Variants in DNAJC1 observed in about 807,000 individuals in gnomAD.
DNAJC1 encodes DnaJ heat shock protein family (Hsp40) member C1.
A neutral mutation model predicts 76.6 loss-of-function variants in DNAJC1; 58 were observed. The ratio of observed to expected loss-of-function variants is 0.76; its 90% confidence interval spans 0.61 to 0.94. DNAJC1 has a LOEUF of 0.94. DNAJC1 is among the 40% of genes least tolerant of loss of function. The pLI is 0.00. For synonymous variants in DNAJC1, 258 were observed against 267.9 expected (o/e 0.96, Z 0.36); for missense variants, 689 against 677.3 (o/e 1.02, Z -0.19).
At chr10:21,778,354 A>G (rs1226325975) in intron 9 of DNAJC1, among the ~76,000 whole-genome samples, 2 of 152,206 alleles carry the variant, frequency 1.3e-5, no homozygotes, top group African/African-American at 2.4e-5. Context: ...CCATAAAACA[A>G]AAGGATTGCA....
At chr10:21,912,771 A>G (rs1171870920) in intron 6 of DNAJC1, among the ~76,000 whole-genome samples, 2 of 151,878 alleles carry the variant, frequency 1.3e-5, no homozygotes, top group Non-Finnish European at 2.9e-5. Flanking sequence ...TTTCCTGCTA[A>G]TTAGCTGTGA....
chr10:21,858,415 C>G (rs1835872382), intron 8 of DNAJC1, among the ~76,000 whole-genome samples: 1 of 152,088 alleles, frequency 6.6e-6, no homozygotes, highest in Non-Finnish European at 1.5e-5. Flanking sequence ...ACCAGAATGC[C>G]ATTTACTTTA....
chr10:21,918,502 G>T (rs1836989831), intron 6 of DNAJC1, among the ~76,000 whole-genome samples: 1 of 148,042 alleles, frequency 6.8e-6, no homozygotes, highest in African/African-American at 2.5e-5. Context: ...AATTTTTATT[G>T]CTTTTATCTC....
Position 22,003,583 on chromosome 10 carries a change from G to C in DNAJC1, c.-149C>G, listed in dbSNP as rs905526496. The stretch of plus-strand genomic sequence containing the variant: ...GCGGCCCGCCAGGTGGCTGGCCCCA[G>C]ACAGAGCGCGGAGGCGGCGGGAGCC... On this transcript the variant is annotated 5_prime_UTR_variant, in exon 1 of 12. Transcript: ENST00000376980. The C allele has an allele frequency of 1.0e-4, 102 of 991,334 alleles. No individual in the cohort carries two copies. Among genetic ancestry groups the C allele is most frequent in the Admixed American group, 5.7e-4 (13 of 22,818 alleles). 61.4% of individuals were successfully genotyped at this position (991,334 alleles called of 1,614,324 possible). A position where few individuals can be genotyped will look rare whatever the true frequency, so the allele number is the denominator to read the frequency against.
chr10:21,889,879 C>T (rs974926808), intron 7 of DNAJC1, among the ~76,000 whole-genome samples: 2 of 152,122 alleles, frequency 1.3e-5, no homozygotes, highest in African/African-American at 4.8e-5. Flanking sequence ...TAGTGTTACC[C>T]CCATCCCACC....
At chr10:21,995,695 T>A (rs1353689682) in intron 1 of DNAJC1, among the ~76,000 whole-genome samples, 1 of 152,228 alleles carries the variant, frequency 6.6e-6, no homozygotes, top group Non-Finnish European at 1.5e-5. Flanking sequence ...TTTATACACA[T>A]ATTCTAACAA....
intron 1 of DNAJC1, among the ~76,000 whole-genome samples, chr10:21,961,703 T>C (rs1397361132): frequency 6.6e-6 from 1 of 152,218 alleles, no homozygotes; most frequent in Non-Finnish European, 1.5e-5. Context: ...CACTGAATTG[T>C]ATACTTAAAA....
Position 22,003,318 on chromosome 10 carries a change from C to T in DNAJC1, c.117G>A (p.Leu39=), listed in dbSNP as rs1221819319. ...TPLLWLLLLL[L]AAVAPARGWE... is the part of the protein sequence containing the mutation. ...AGCCGCGCGCCGGCGCCACGGCGGC[C>T]AGCAGCAGCAGCAGCAGCCACAGCA... is the stretch of plus-strand genomic sequence containing the variant. The change falls in exon 1 of 12, where the codon CTG becomes CTA. Residue 39 remains leucine (L), a synonymous_variant. Transcript: ENST00000376980. The T allele has an allele frequency of 2.8e-6, 4 of 1,444,694 alleles. No homozygotes were observed. Among genetic ancestry groups the T allele is most frequent in the Non-Finnish European group, 2.8e-6 (3 of 1,089,938 alleles). 89.5% of individuals were successfully genotyped at this position (1,444,694 alleles called of 1,614,324 possible).
At position 21,829,197 on chromosome 10, in the gene DNAJC1, A is replaced by AT. The variant is rs531329745; in HGVS notation, c.979-23099dup. Among the ~76,000 whole-genome samples, 587 of 148,690 alleles carry AT rather than the reference A, an allele frequency of 3.9e-3. 5 individuals are homozygous for AT. The highest frequency in any genetic ancestry group is 0.014 in the African/African-American group (553 of 40,240). On this transcript the variant is annotated intron_variant, in intron 8 of 11. Transcript: ENST00000376980. ...AGGAATGAGTCACCATGCCCAGCTG[A>AT]TTTTTTTGTTGTTGTTCGTTTTTGT...
chr10:21,837,615 T>A (rs909885777), intron 8 of DNAJC1, among the ~76,000 whole-genome samples: 1 of 147,430 alleles, frequency 6.8e-6, no homozygotes, highest in Non-Finnish European at 1.5e-5. Flanking sequence ...ATCTGAGAAG[T>A]GAGGAGCCCC....
intron 8 of DNAJC1, among the ~76,000 whole-genome samples, chr10:21,881,674 C>G (rs986204396): frequency 6.6e-6 from 1 of 151,780 alleles, no homozygotes; most frequent in African/African-American, 2.4e-5. Flanking sequence ...ACAGTAACGT[C>G]AGAGGTCACT....
chr10:21,925,380 A>G (rs555065116), intron 3 of DNAJC1, among the ~76,000 whole-genome samples: 2 of 152,224 alleles, frequency 1.3e-5, no homozygotes, highest in South Asian at 4.1e-4. Context: ...TTTTCATGCT[A>G]TATATGTTCT....
At position 21,933,834 on chromosome 10, in the gene DNAJC1, T is replaced by C. The variant is rs192537290; in HGVS notation, c.223-4693A>G. Among the ~76,000 whole-genome samples, 34 of 152,314 alleles carry C rather than the reference T, an allele frequency of 2.2e-4. No homozygotes were observed. The East Asian group carries it at 6.4e-3, about 28-fold the overall frequency. ...TCACAGTGCAATGTATCTATTCATG[T>C]GTTTGTGGTGAGGCTAGTGTAAACA... On this transcript the variant is annotated intron_variant, in intron 1 of 11. Transcript: ENST00000376980.
intron 1 of DNAJC1, among the ~76,000 whole-genome samples, chr10:21,954,321 T>C (rs1169275240): frequency 6.6e-6 from 1 of 152,190 alleles, no homozygotes; most frequent in Non-Finnish European, 1.5e-5. Context: ...GTAGTCATAA[T>C]GATACTTCCC....
intron 9 of DNAJC1, among the ~76,000 whole-genome samples, chr10:21,766,968 TAAA>T (rs1275709137): frequency 1.0e-4 from 7 of 69,868 alleles, no homozygotes; most frequent in Admixed American, 3.5e-4. Context: ...AGACCCTGCC[TAAA>T]AAAAAAAAAA....
intron 1 of DNAJC1, among the ~76,000 whole-genome samples, chr10:21,993,413 A>T (rs1042206373): frequency 6.6e-6 from 1 of 152,112 alleles, no homozygotes; most frequent in Non-Finnish European, 1.5e-5. Context: ...TCACTATCTC[A>T]GCATGCTTGC....
intron 11 of DNAJC1, among the ~76,000 whole-genome samples, chr10:21,757,741 G>A (rs1055392651): frequency 6.6e-6 from 1 of 152,334 alleles, no homozygotes; most frequent in East Asian, 1.9e-4. Flanking sequence ...GAGCTGAGCC[G>A]TGCACGGCAG....
intron 8 of DNAJC1, among the ~76,000 whole-genome samples, chr10:21,812,103 G>A (rs1205200569): frequency 6.7e-6 from 1 of 149,926 alleles, no homozygotes; most frequent in Non-Finnish European, 1.5e-5. Context: ...CTATTGCCCA[G>A]GCTAGAGTGC....
intron 8 of DNAJC1, among the ~76,000 whole-genome samples, chr10:21,832,347 T>C (rs1226688027): frequency 6.6e-6 from 1 of 152,202 alleles, no homozygotes; most frequent in Non-Finnish European, 1.5e-5. Flanking sequence ...CAAATGTATG[T>C]CAAGGTCCCC....
Sources: gnomAD v4.1 joint callset for allele counts (sites outside exome capture counted in the v4.1 genomes callset) on GRCh38, gnomAD v4.1.1 for gene constraint, MANE v1.5 for transcripts, NCBI Gene and HGNC (gene_info 2026-07-23, HGNC 2026-07-21) for gene names.